Variants in HS6ST3 observed in about 807,000 individuals in gnomAD.
HS6ST3 encodes the protein heparan sulfate 6-O-sulfotransferase 3.
In HS6ST3, 12 loss-of-function variants were observed where a neutral mutation model predicts 36.7. The ratio of observed to expected loss-of-function variants is 0.33; its 90% CI spans 0.21 to 0.53. The LOEUF is 0.53. Among genes scored for constraint, HS6ST3 ranks in the 20% least tolerant of loss-of-function variants. The pLI is 0.95. For synonymous variants in HS6ST3, 240 were observed against 257.5 expected (o/e 0.93, Z 0.65); for missense variants, 584 against 640.9 (o/e 0.91, Z 0.96).
chr13:96,768,314 G>A (rs1877171912), intron 1 of HS6ST3, among the ~76,000 whole-genome samples: 1 of 152,188 alleles, frequency 6.6e-6, no homozygotes, highest in Non-Finnish European at 1.5e-5. Flanking sequence ...AAGGGAGAAT[G>A]CTTAGCGTCA....
intron 1 of HS6ST3, among the ~76,000 whole-genome samples, chr13:96,630,878 C>G (rs1421278432): frequency 6.6e-6 from 1 of 152,096 alleles, no homozygotes; most frequent in African/African-American, 2.4e-5. Context: ...AATTCACTTT[C>G]AGAAATGGGA....
chr13:96,515,415 T>A lies in HS6ST3; in HGVS notation c.708-317075T>A, dbSNP rs547913781. On this transcript the variant is annotated intron_variant, in intron 1 of 1. Coordinates refer to ENST00000376705, the MANE Select transcript of HS6ST3 (RefSeq NM_153456.4). Reference sequence around the variant, plus strand: ...ATGAGGGGATGGCGTTGTTCACATTTTAGTAGAGTTGCTTCTGCTTTATTC... The same window carrying A: ...ATGAGGGGATGGCGTTGTTCACATTATAGTAGAGTTGCTTCTGCTTTATTC... Among the ~76,000 whole-genome samples, 3 of 152,330 alleles carry A rather than the reference T, an allele frequency of 2.0e-5. No homozygotes were observed. The East Asian group carries it at 5.8e-4, about 29-fold the overall frequency.
chr13:96,193,537 C>T (rs763213371), intron 1 of HS6ST3, among the ~76,000 whole-genome samples: 5 of 152,056 alleles, frequency 3.3e-5, no homozygotes, highest in South Asian at 2.1e-4. Context: ...TCTCAGACAG[C>T]GATCAATTTA....
intron 1 of HS6ST3, among the ~76,000 whole-genome samples, chr13:96,637,605 T>G (rs1025159073): frequency 6.6e-6 from 1 of 152,106 alleles, no homozygotes; most frequent in Non-Finnish European, 1.5e-5. Context: ...TAGATGATAA[T>G]TAAGAGCAAG....
chr13:96,483,298 T>G (rs1390664360), intron 1 of HS6ST3, among the ~76,000 whole-genome samples: 1 of 152,116 alleles, frequency 6.6e-6, no homozygotes, highest in East Asian at 1.9e-4. Context: ...GAGGTGAATA[T>G]TCCACTAAGA....
At chr13:96,336,652 T>C (rs2055102815) in intron 1 of HS6ST3, among the ~76,000 whole-genome samples, 1 of 152,220 alleles carries the variant, frequency 6.6e-6, no homozygotes, top group Non-Finnish European at 1.5e-5. Context: ...GCCTACACTT[T>C]GATCTTGGAC....
chr13:96,261,018 A>G (rs1040033592), intron 1 of HS6ST3, among the ~76,000 whole-genome samples: 1 of 152,108 alleles, frequency 6.6e-6, no homozygotes, highest in African/African-American at 2.4e-5. Context: ...GTTTTCTAGT[A>G]AAAGCCAAAT....
At chr13:96,226,728 C>A (rs1309977842) in intron 1 of HS6ST3, among the ~76,000 whole-genome samples, 1 of 151,972 alleles carries the variant, frequency 6.6e-6, no homozygotes, top group Non-Finnish European at 1.5e-5. Context: ...TAGTTATATT[C>A]TTGGGGGCCT....
At position 96,708,905 on chromosome 13, in the gene HS6ST3, C is replaced by G. The variant is rs576416616; in HGVS notation, c.708-123585C>G. Among the ~76,000 whole-genome samples the G allele has an allele frequency of 1.5e-3, 234 of 152,300 alleles. 1 individual carries two copies. The highest frequency in any genetic ancestry group is 5.4e-3 in the African/African-American group (225 of 41,562). ...AAGGTTGGATACCCCTGTCCCTGCCCCGTTCCTAAACGTTGTCTCTTCTTT... is the reference window on the plus strand; with the variant it reads ...AAGGTTGGATACCCCTGTCCCTGCCGCGTTCCTAAACGTTGTCTCTTCTTT... On this transcript the variant is annotated intron_variant, in intron 1 of 1. Transcript: ENST00000376705.
intron 1 of HS6ST3, among the ~76,000 whole-genome samples, chr13:96,527,449 A>G (rs2056118733): frequency 6.6e-6 from 1 of 152,216 alleles, no homozygotes; most frequent in South Asian, 2.1e-4. Flanking sequence ...CTTATATTTG[A>G]GTGCGGGAAG....
chr13:96,202,307 A>G (rs2054346576), intron 1 of HS6ST3, among the ~76,000 whole-genome samples: 1 of 152,190 alleles, frequency 6.6e-6, no homozygotes, highest in Non-Finnish European at 1.5e-5. Context: ...CCTCACATCC[A>G]GTTGAAATTT....
At position 96,253,168 on chromosome 13, in the gene HS6ST3, T is replaced by G. The variant is rs1927802; in HGVS notation, c.707+161599T>G. 8.5e-3 allele frequency among the ~76,000 whole-genome samples: 1,294 copies of G among 151,996 alleles called. 16 individuals are homozygous for G. The highest frequency in any genetic ancestry group is 0.03 in the African/African-American group (1,241 of 41,424). On this transcript the variant is annotated intron_variant, in intron 1 of 1. Coordinates refer to ENST00000376705, the MANE Select transcript of HS6ST3 (RefSeq NM_153456.4). ...TCATGGGTGGGCCTCTTGGTGGAGT[T>G]TGTGAGCCAGTTAGTAGAATCTGCA...
intron 1 of HS6ST3, among the ~76,000 whole-genome samples, chr13:96,655,289 AG>A (rs1239863237): frequency 2.6e-5 from 4 of 152,096 alleles, no homozygotes; most frequent in Non-Finnish European, 5.9e-5. Context: ...CCTTAAGGAG[AG>A]TAAATCAGGG....
In HS6ST3 at chr13:96,126,975, C is replaced by G. The variant is rs187852566; in HGVS notation, c.707+35406C>G. Among the ~76,000 whole-genome samples, 306 of 152,246 alleles carry G rather than the reference C, an allele frequency of 2.0e-3. 2 individuals carry two copies. The highest frequency in any genetic ancestry group is 1.9e-3 in the Non-Finnish European group (130 of 68,020). Reference sequence around the variant, plus strand: ...GAAAACTGGGCCTATAAAGGTGATCCCTACTTCTTCTGACTTCCACCTGAA... The same window carrying G: ...GAAAACTGGGCCTATAAAGGTGATCGCTACTTCTTCTGACTTCCACCTGAA... On this transcript the variant is annotated intron_variant, in intron 1 of 1. Coordinates refer to ENST00000376705, the MANE Select transcript of HS6ST3 (RefSeq NM_153456.4).
chr13:96,211,416 T>G (rs2054398618), intron 1 of HS6ST3, among the ~76,000 whole-genome samples: 1 of 152,186 alleles, frequency 6.6e-6, no homozygotes, highest in Admixed American at 6.5e-5. Context: ...ACCCCAGTGA[T>G]AACCCCACGA....
chr13:96,599,396 A>G (rs996371111), intron 1 of HS6ST3, among the ~76,000 whole-genome samples: 1 of 151,770 alleles, frequency 6.6e-6, no homozygotes. Flanking sequence ...GAATTTATCT[A>G]TTTTCTCTAG....
At chr13:96,460,235 C>A (rs2055777353) in intron 1 of HS6ST3, among the ~76,000 whole-genome samples, 1 of 152,074 alleles carries the variant, frequency 6.6e-6, no homozygotes, top group African/African-American at 2.4e-5. Context: ...AGAAAGCAAA[C>A]CCAGAATCAG....
chr13:96,370,988 A>AT (rs2055287228), intron 1 of HS6ST3, among the ~76,000 whole-genome samples: 1 of 152,194 alleles, frequency 6.6e-6, no homozygotes, highest in Non-Finnish European at 1.5e-5. Flanking sequence ...GTTTTGCTGG[A>AT]TTTTGAGCAT....
chr13:96,228,036 A>G (rs2054489544), intron 1 of HS6ST3, among the ~76,000 whole-genome samples: 1 of 152,198 alleles, frequency 6.6e-6, no homozygotes, highest in Non-Finnish European at 1.5e-5. Flanking sequence ...AGTTCAGTTG[A>G]TCTTTCTTAG....
Sources: gnomAD v4.1 joint callset for allele counts (sites outside exome capture counted in the v4.1 genomes callset) on GRCh38, gnomAD v4.1.1 for gene constraint, MANE v1.5 for transcripts, NCBI Gene and HGNC (gene_info 2026-07-23, HGNC 2026-07-21) for gene names.